GPC5: variants seen among roughly 807,000 people sequenced by gnomAD.
GPC5 encodes glypican 5, also known as glypican-5.
In GPC5, 47 loss-of-function variants were observed where a neutral mutation model predicts 53.9. The ratio of observed to expected loss-of-function variants is 0.87; its 90% CI spans 0.69 to 1.11. GPC5 has a LOEUF of 1.11. Among genes scored for constraint, GPC5 ranks in the 50% most tolerant of loss-of-function variants. The pLI is 0.00. For missense variants in GPC5, 748 were observed against 713.1 expected (o/e 1.05, Z -0.56); for synonymous variants, 286 against 263.3 (o/e 1.09, Z -0.84).
chr13:92,126,929 G>T (rs1171962093), intron 6 of GPC5, among the ~76,000 whole-genome samples: 1 of 152,040 alleles, frequency 6.6e-6, no homozygotes, highest in Non-Finnish European at 1.5e-5. Context: ...AGATGGCTCT[G>T]AATTGACAGT....
chr13:91,513,825 C>T (rs1042567494), intron 2 of GPC5, among the ~76,000 whole-genome samples: 1 of 152,222 alleles, frequency 6.6e-6, no homozygotes, highest in East Asian at 1.9e-4. Flanking sequence ...TCTCCTTCCA[C>T]AGCTTTTTCC....
chr13:91,988,794 A>C (rs1038527303), intron 6 of GPC5, among the ~76,000 whole-genome samples: 1 of 149,650 alleles, frequency 6.7e-6, no homozygotes, highest in African/African-American at 2.4e-5. Flanking sequence ...TATGTGGAAT[A>C]CTCTAATGAT....
intron 2 of GPC5, among the ~76,000 whole-genome samples, chr13:91,671,621 G>T (rs2035244659): frequency 6.6e-6 from 1 of 151,868 alleles, no homozygotes; most frequent in South Asian, 2.1e-4. Context: ...TGGATAGGAA[G>T]AATCAATATT....
intron 7 of GPC5, among the ~76,000 whole-genome samples, chr13:92,662,358 G>T (rs561534145): frequency 6.6e-6 from 1 of 152,108 alleles, no homozygotes; most frequent in African/African-American, 2.4e-5. Flanking sequence ...ACAGGCTTTC[G>T]TCACCACGGC....
intron 5 of GPC5, among the ~76,000 whole-genome samples, chr13:91,808,763 G>A (rs908737520): frequency 4.6e-5 from 7 of 152,092 alleles, no homozygotes; most frequent in Admixed American, 4.6e-4. Context: ...GTCATTGGAG[G>A]ACACTGAGGT....
At chr13:92,557,769 C>T (rs1013103302) in intron 7 of GPC5, among the ~76,000 whole-genome samples, 4 of 151,964 alleles carry the variant, frequency 2.6e-5, no homozygotes, top group Middle Eastern at 3.4e-3. Flanking sequence ...AATCAACTCC[C>T]CTGGCAAGCC....
At chr13:92,725,475 G>A (rs1016505614) in intron 7 of GPC5, among the ~76,000 whole-genome samples, 1 of 151,338 alleles carries the variant, frequency 6.6e-6, no homozygotes, top group Non-Finnish European at 1.5e-5. Context: ...TTTGGCAATT[G>A]CAACTCTAGA....
intron 7 of GPC5, among the ~76,000 whole-genome samples, chr13:92,625,336 A>T (rs1885013267): frequency 6.6e-6 from 1 of 152,230 alleles, no homozygotes; most frequent in South Asian, 2.1e-4. Flanking sequence ...GGGATATATG[A>T]CTATTTTGGT....
At chr13:92,599,350 C>T (rs1051389010) in intron 7 of GPC5, among the ~76,000 whole-genome samples, 4 of 152,014 alleles carry the variant, frequency 2.6e-5, no homozygotes, top group Admixed American at 2.0e-4. Context: ...GGCAGGGATT[C>T]GCTAGAGTAA....
intron 2 of GPC5, among the ~76,000 whole-genome samples, chr13:91,481,832 T>G (rs1307934935): frequency 6.6e-6 from 1 of 152,182 alleles, no homozygotes; most frequent in Non-Finnish European, 1.5e-5. Context: ...TCCTTAACCC[T>G]ATATCCCAAA....
chr13:92,414,242 T>A (rs766248767), intron 7 of GPC5, among the ~76,000 whole-genome samples: 1 of 152,132 alleles, frequency 6.6e-6, no homozygotes, highest in Non-Finnish European at 1.5e-5. Flanking sequence ...CAGTGGCTCA[T>A]GCCTGTAATC....
chr13:91,897,006 C>A (rs2039448582), intron 5 of GPC5, among the ~76,000 whole-genome samples: 1 of 114,498 alleles, frequency 8.7e-6, no homozygotes, highest in African/African-American at 3.7e-5. Context: ...ATTTTCCCAA[C>A]TCCTCCTCTT....
chr13:91,482,161 C>T (rs1883336767), intron 2 of GPC5, among the ~76,000 whole-genome samples: 1 of 152,052 alleles, frequency 6.6e-6, no homozygotes, highest in Non-Finnish European at 1.5e-5. Context: ...AGAGGTGGGG[C>T]CTAATAAGAA....
intron 7 of GPC5, among the ~76,000 whole-genome samples, chr13:92,254,308 C>T (rs1379209240): frequency 1.3e-5 from 2 of 152,012 alleles, no homozygotes; most frequent in African/African-American, 2.4e-5. Flanking sequence ...TATTCACTAA[C>T]GAATACATTA....
Position 92,448,988 on chromosome 13 carries a change from T to C in GPC5, c.1561+303999T>C, listed in dbSNP as rs148131588. ...TGTAAGAATCAAGATGGGTGATGTG[T>C]TATGTAGTTTAATTCATCCATATGT... is the stretch of plus-strand genomic sequence containing the variant. On this transcript the variant is annotated intron_variant, in intron 7 of 7. Coordinates refer to ENST00000377067, the MANE Select transcript of GPC5 (RefSeq NM_004466.6). 3.3e-5 allele frequency: 5 copies of C among 150,868 alleles called. No homozygotes were observed. The East Asian group carries it at 9.7e-4, about 29-fold the overall frequency. The allele number at this position is 150,868 out of a possible 1,614,324, so 9.3% of individuals were successfully genotyped here.
At chr13:92,458,488 G>A (rs1357630324) in intron 7 of GPC5, among the ~76,000 whole-genome samples, 2 of 151,920 alleles carry the variant, frequency 1.3e-5, no homozygotes, top group Non-Finnish European at 1.5e-5. Context: ...TAGTAGAGAC[G>A]GGGTTTCACC....
At chr13:92,385,453 CATATATACACATATATACATATAT>C (rs2043791663) in intron 7 of GPC5, among the ~76,000 whole-genome samples, 1 of 119,412 alleles carries the variant, frequency 8.4e-6, no homozygotes, top group Non-Finnish European at 1.7e-5. Flanking sequence ...TACATATATA[CATATATACACATATATACATATAT>C]ACATATATAC....
chr13:92,861,691 G>A (rs775801475), intron 7 of GPC5, among the ~76,000 whole-genome samples: 9 of 151,808 alleles, frequency 5.9e-5, no homozygotes, highest in Non-Finnish European at 1.2e-4. Flanking sequence ...GTTTTTTGTT[G>A]TACCAAAGGT....
At chr13:91,487,007 G>T (rs773242760) in intron 2 of GPC5, 1 of 152,104 alleles carries the variant, frequency 6.6e-6, no homozygotes, top group Non-Finnish European at 1.5e-5. Flanking sequence ...GCTTGTATGG[G>T]GTGTATCTGA....
Sources: allele counts gnomAD v4.1 joint callset (sites outside exome capture counted in the v4.1 genomes callset), GRCh38; gene constraint gnomAD v4.1.1; transcripts MANE v1.5; gene names NCBI Gene and HGNC (gene_info 2026-07-23, HGNC 2026-07-21).